CPXM2: variants seen among roughly 807,000 people sequenced by gnomAD.
CPXM2 encodes inactive carboxypeptidase-like protein X2.
Under a neutral mutation model 86.1 loss-of-function variants are expected in CPXM2, and 66 were observed. The observed-to-expected ratio is 0.77, with a 90% confidence interval of 0.63 to 0.94. CPXM2 has a LOEUF of 0.94. Ranked by LOEUF, CPXM2 falls within the 40% of genes least tolerant of loss-of-function variation. The pLI, the probability that CPXM2 is intolerant of heterozygous loss-of-function variation, is 0.00. For missense variants in CPXM2, 948 were observed against 1,026.3 expected (o/e 0.92, Z 1.04); for synonymous variants, 388 against 400.2 (o/e 0.97, Z 0.36).
chr10:123,762,202 G>C, intron 10 of CPXM2, 33 bp from the exon 11 acceptor site: 1 of 1,613,828 alleles, frequency 6.2e-7, no homozygotes, highest in Non-Finnish European at 8.5e-7. Flanking sequence ...AGTAAAATAA[G>C]CAGGAAGTCA....
At chr10:123,822,905 C>T (rs1311648375) in intron 4 of CPXM2, among the ~76,000 whole-genome samples, 1 of 152,014 alleles carries the variant, frequency 6.6e-6, no homozygotes, top group Non-Finnish European at 1.5e-5. Context: ...TATGGGGTTT[C>T]TTTTTGGTAT....
intron 1 of CPXM2, among the ~76,000 whole-genome samples, chr10:123,884,675 A>T (rs555712763): frequency 4.6e-5 from 7 of 152,298 alleles, no homozygotes; most frequent in African/African-American, 1.4e-4. Flanking sequence ...ACTAGACCAA[A>T]ATCAATCAAT....
At chr10:123,924,657 A>G (rs762309160) in intron 2 of CPXM2, among the ~76,000 whole-genome samples, 3 of 152,156 alleles carry the variant, frequency 2.0e-5, no homozygotes, top group Non-Finnish European at 2.9e-5. Context: ...TTATAAACTC[A>G]ATCTCCTGCC....
At chr10:123,898,668 T>G (rs1375541836) in intron 2 of CPXM2, among the ~76,000 whole-genome samples, 1 of 138,776 alleles carries the variant, frequency 7.2e-6, no homozygotes, top group Non-Finnish European at 1.6e-5. Flanking sequence ...AAGTTCCAGA[T>G]CATTTTTCAA....
chr10:123,850,342 T>C (rs1302224072), intron 3 of CPXM2, among the ~76,000 whole-genome samples: 2 of 152,258 alleles, frequency 1.3e-5, no homozygotes, highest in African/African-American at 4.8e-5. Context: ...TCCCCCGTTA[T>C]CTGTGGTTTC....
chr10:123,862,535 C>T (rs61861899), intron 3 of CPXM2, 79 bp downstream of exon 3: 30,638 of 1,218,004 alleles, frequency 0.025, 483 homozygotes, highest in South Asian at 0.037. Context: ...TTAAATCCTG[C>T]GCATTGCCTG....
intron 2 of CPXM2, among the ~76,000 whole-genome samples, chr10:123,917,506 T>C (rs547063237): frequency 6.6e-6 from 1 of 152,348 alleles, no homozygotes; most frequent in East Asian, 1.9e-4. Flanking sequence ...CATTTGACGT[T>C]TTTCTTGCTA....
chr10:123,903,699 C>A (rs546291475), intron 2 of CPXM2, among the ~76,000 whole-genome samples: 1 of 152,204 alleles, frequency 6.6e-6, no homozygotes, highest in African/African-American at 2.4e-5. Flanking sequence ...GGCTGGGAGG[C>A]CAAGGGACTT....
chr10:123,902,432 G>A (rs1223374819), intron 2 of CPXM2, among the ~76,000 whole-genome samples: 1 of 152,222 alleles, frequency 6.6e-6, no homozygotes, highest in Non-Finnish European at 1.5e-5. Context: ...TAACAGCTTA[G>A]AGTAAATCTT....
chr10:123,780,459 T>C (rs1169209303), intron 6 of CPXM2, among the ~76,000 whole-genome samples: 1 of 152,174 alleles, frequency 6.6e-6, no homozygotes, highest in Non-Finnish European at 1.5e-5. Context: ...CCAGAATGCC[T>C]GGGTTCAAAT....
chr10:123,859,799 G>A (rs1241234768), intron 3 of CPXM2, among the ~76,000 whole-genome samples: 2 of 152,250 alleles, frequency 1.3e-5, no homozygotes, highest in Admixed American at 6.5e-5. Flanking sequence ...CATTCACTGA[G>A]GGGAGCTTGG....
At position 123,757,360 on chromosome 10, in the gene CPXM2, GC is replaced by G; in HGVS notation, c.1778-9del. On this transcript the variant is annotated splice_polypyrimidine_tract_variant and intron_variant, in intron 11 of 13. Transcript: ENST00000241305. ...AGCTGAAATCGTTCAGACCTGCCAA[GC>G]CAACCGGACAACACTTTAACTGAAC... 6.2e-7 allele frequency: 1 copy of G among 1,611,548 alleles called. No individual in the cohort carries two copies. Among genetic ancestry groups the G allele is most frequent in the Non-Finnish European group, 8.5e-7 (1 of 1,177,834 alleles).
chr10:123,863,131 T>C (rs1293538607), intron 2 of CPXM2, among the ~76,000 whole-genome samples: 1 of 152,228 alleles, frequency 6.6e-6, no homozygotes. Flanking sequence ...AAAAAACCTA[T>C]TGTTTTCCAG....
chr10:123,855,850 C>G (rs538576924), intron 3 of CPXM2, among the ~76,000 whole-genome samples: 1 of 152,294 alleles, frequency 6.6e-6, no homozygotes, highest in Admixed American at 6.5e-5. Flanking sequence ...CTCATGATTC[C>G]TTCCAGCAGT....
At chr10:123,938,564 G>A (rs1405340273) in intron 2 of CPXM2, among the ~76,000 whole-genome samples, 1 of 152,196 alleles carries the variant, frequency 6.6e-6, no homozygotes, top group Non-Finnish European at 1.5e-5. Flanking sequence ...TCATTGGCCT[G>A]CACTCTGTCA....
Position 123,768,603 on chromosome 10 carries a change from C to T in CPXM2, c.1222G>A (p.Val408Ile), listed in dbSNP as rs772000176. 48 of 1,613,818 alleles carry T rather than the reference C, an allele frequency of 3.0e-5. No individual in the cohort carries two copies. Among genetic ancestry groups the T allele is most frequent in the African/African-American group, 1.5e-4 (11 of 74,902 alleles). ...ATCCGCGTCTCCTCCACCAGGTGGACGATGCGCGCATTCCGGGCCAAGTAC... is the reference window on the plus strand; with the variant it reads ...ATCCGCGTCTCCTCCACCAGGTGGATGATGCGCGCATTCCGGGCCAAGTAC... ...QEYLARNARI[V>I]HLVEETRIHV... The change falls in exon 9 of 14, where the codon GTC (valine) becomes ATC (isoleucine). Residue 408 changes from valine to isoleucine, a missense_variant. Coordinates refer to ENST00000241305, the MANE Select transcript of CPXM2 (RefSeq NM_198148.3).
intron 3 of CPXM2, among the ~76,000 whole-genome samples, chr10:123,843,553 T>A (rs1404975217): frequency 6.6e-6 from 1 of 150,858 alleles, no homozygotes; most frequent in Non-Finnish European, 1.5e-5. Context: ...CCTGCAAAGC[T>A]ATTTCTTATG....
chr10:123,789,199 G>A (rs1273399613), intron 6 of CPXM2, among the ~76,000 whole-genome samples: 2 of 152,208 alleles, frequency 1.3e-5, no homozygotes, highest in African/African-American at 2.4e-5. Context: ...GAGAGACCCA[G>A]GAGCTGCGGA....
chr10:123,829,221 T>C (rs1444620774), intron 4 of CPXM2, among the ~76,000 whole-genome samples: 1 of 152,208 alleles, frequency 6.6e-6, no homozygotes, highest in Non-Finnish European at 1.5e-5. Flanking sequence ...GTGATAAGAT[T>C]AAATGCTGGT....
Sources: gnomAD v4.1 joint callset for allele counts (sites outside exome capture counted in the v4.1 genomes callset) on GRCh38, gnomAD v4.1.1 for gene constraint, MANE v1.5 for transcripts, NCBI Gene and HGNC (gene_info 2026-07-23, HGNC 2026-07-21) for gene names.